The following EPN2 variants were observed in gnomAD, a reference collection of about 807,000 sequenced individuals.
EPN2 encodes the protein epsin-2.
Under a neutral mutation model 61.7 loss-of-function variants are expected in EPN2, and 34 were observed. The observed-to-expected ratio is 0.55, with a 90% CI of 0.42 to 0.73. The LOEUF (loss-of-function observed/expected upper bound fraction) is 0.73. Among genes scored for constraint, EPN2 ranks in the 30% least tolerant of loss-of-function variants. EPN2 has a pLI of 0.00. For missense variants in EPN2, 714 were observed against 839.2 expected, an observed-to-expected ratio of 0.85 and a Z score of 1.84; for synonymous variants, 349 against 353.6, an observed-to-expected ratio of 0.99 and a Z score of 0.15.
chr17:19,266,548 G>A (rs923982231), intron 1 of EPN2, among the ~76,000 whole-genome samples: 9 of 151,972 alleles, frequency 5.9e-5, no homozygotes, highest in Non-Finnish European at 1.2e-4. Flanking sequence ...GACTACAGGC[G>A]CCCGCTACCA....
At chr17:19,312,979 C>T in intron 6 of EPN2, 126 bp from the exon 7 acceptor site, 2 of 970,948 alleles carry the variant, frequency 2.1e-6, no homozygotes, top group Non-Finnish European at 3.1e-6. Context: ...CCAAGTTCTT[C>T]TCAGCCCCTC....
In EPN2 at chr17:19,283,320, T is replaced by C. The variant is rs771491050; in HGVS notation, c.201T>C (p.His67=). ...TGGTGTGGAAGCGGCTGAATGACCA[T>C]GGCAAGAACTGGCGGCATGTGTACA... is the stretch of plus-strand genomic sequence containing the variant. ...MSMVWKRLND[H]GKNWRHVYKA... is the part of the protein sequence containing the mutation. The change falls in exon 3 of 11, where the codon CAT becomes CAC. Residue 67 remains histidine, a synonymous_variant. Coordinates refer to ENST00000314728, the MANE Select transcript of EPN2 (RefSeq NM_014964.5). This position sits in a 1 kb window ranked among gnomAD's most constrained non-coding sequence, Gnocchi z 7.0. 2.5e-6 allele frequency: 4 copies of C among 1,614,046 alleles called. No homozygotes were observed. The Admixed American group carries it at 6.7e-5, about 27-fold the overall frequency.
intron 1 of EPN2, among the ~76,000 whole-genome samples, chr17:19,243,730 G>A (rs929143585): frequency 3.3e-5 from 5 of 152,070 alleles, no homozygotes; most frequent in Non-Finnish European, 7.4e-5. Flanking sequence ...GTAGAGATGG[G>A]GTTTTACCAC....
intron 1 of EPN2, among the ~76,000 whole-genome samples, chr17:19,246,836 T>C (rs1198800956): frequency 6.9e-6 from 1 of 143,890 alleles, no homozygotes; most frequent in Non-Finnish European, 1.5e-5. Context: ...TGGCGCGATC[T>C]CAGCTCACTG....
intron 1 of EPN2, among the ~76,000 whole-genome samples, chr17:19,278,452 C>G (rs2045329807): frequency 6.6e-6 from 1 of 152,054 alleles, no homozygotes. Flanking sequence ...GAGGAAGAAG[C>G]AAAAATGCAA....
At chr17:19,294,488 T>C (rs1042019719) in intron 4 of EPN2, among the ~76,000 whole-genome samples, 1 of 152,226 alleles carries the variant, frequency 6.6e-6, no homozygotes, top group African/African-American at 2.4e-5. Flanking sequence ...CCATAGAAAA[T>C]GGATCAATAC....
chr17:19,279,226 A>G (rs760785465), intron 1 of EPN2, among the ~76,000 whole-genome samples: 2 of 152,136 alleles, frequency 1.3e-5, no homozygotes, highest in Non-Finnish European at 2.9e-5. Context: ...CTGGGAGGGC[A>G]GCGGCACCTT....
chr17:19,297,107 G>C (rs1214286944), intron 4 of EPN2: 1 of 152,168 alleles, frequency 6.6e-6, no homozygotes, highest in East Asian at 1.9e-4. Context: ...TCCTTGCCCT[G>C]ACGTTGGACT....
At chr17:19,275,842 T>A (rs2045300389) in intron 1 of EPN2, among the ~76,000 whole-genome samples, 1 of 152,194 alleles carries the variant, frequency 6.6e-6, no homozygotes, top group Non-Finnish European at 1.5e-5. Flanking sequence ...AGTATTCGCT[T>A]TCATATTGAA....
intron 4 of EPN2, among the ~76,000 whole-genome samples, chr17:19,300,436 T>TTC (rs1437814942): frequency 6.8e-6 from 1 of 147,812 alleles, no homozygotes; most frequent in Non-Finnish European, 1.5e-5. Context: ...TCTTTTTTTT[T>TTC]TTTTTTTTTT....
intron 4 of EPN2, chr17:19,297,370 T>C (rs1282808662): frequency 2.0e-5 from 3 of 152,268 alleles, no homozygotes; most frequent in African/African-American, 7.2e-5. Context: ...CATTTTATAT[T>C]ATGCAGATAG....
intron 10 of EPN2, among the ~76,000 whole-genome samples, chr17:19,332,964 A>G (rs1907231482): frequency 6.6e-6 from 1 of 152,232 alleles, no homozygotes; most frequent in African/African-American, 2.4e-5. Context: ...GCAGAGGAGA[A>G]TTACCACTGA....
At chr17:19,259,806 T>C (rs2045121197) in intron 1 of EPN2, among the ~76,000 whole-genome samples, 1 of 152,212 alleles carries the variant, frequency 6.6e-6, no homozygotes, top group Non-Finnish European at 1.5e-5. Context: ...GACCCCTCGC[T>C]CCTAAATGCC....
chr17:19,253,410 C>CTT (rs59492982), intron 1 of EPN2, among the ~76,000 whole-genome samples: 115 of 101,854 alleles, frequency 1.1e-3, no homozygotes, highest in Non-Finnish European at 1.6e-3. Flanking sequence ...TAAATAGTTG[C>CTT]TTTTTTTTTT....
At chr17:19,314,231 C>G (rs892319782) in intron 7 of EPN2, among the ~76,000 whole-genome samples, 5 of 152,026 alleles carry the variant, frequency 3.3e-5, no homozygotes, top group Admixed American at 1.3e-4. Flanking sequence ...AGGAACACAG[C>G]GTAATAGCAG....
intron 1 of EPN2, among the ~76,000 whole-genome samples, chr17:19,247,760 C>G (rs535891807): frequency 6.6e-6 from 1 of 152,136 alleles, no homozygotes; most frequent in African/African-American, 2.4e-5. Flanking sequence ...GGGGGCCCTG[C>G]GGAGTAATCT....
chr17:19,301,914 AACTG>A (rs1358880377), intron 4 of EPN2, among the ~76,000 whole-genome samples: 1 of 152,254 alleles, frequency 6.6e-6, no homozygotes, highest in Non-Finnish European at 1.5e-5. Flanking sequence ...GTGCGCATGT[AACTG>A]ACTGAGGGTG....
intron 1 of EPN2, among the ~76,000 whole-genome samples, chr17:19,249,795 A>G (rs1196623680): frequency 1.3e-5 from 2 of 152,124 alleles, no homozygotes; most frequent in African/African-American, 2.4e-5. Context: ...ATAGGCGGGA[A>G]GTCCGACACA....
chr17:19,313,436 C>G, intron 7 of EPN2, 157 bp downstream of exon 7: 1 of 541,670 alleles, frequency 1.8e-6, no homozygotes, highest in Non-Finnish European at 3.0e-6. Flanking sequence ...TGGCCCTTGC[C>G]CTCCTCCTTG....
Sources: allele counts gnomAD v4.1 joint callset (sites outside exome capture counted in the v4.1 genomes callset), GRCh38; gene constraint gnomAD v4.1.1; non-coding constraint Gnocchi (gnomAD v3.1); transcripts MANE v1.5; gene names NCBI Gene and HGNC (gene_info 2026-07-23, HGNC 2026-07-21).